Variants in RARB observed in about 807,000 individuals in gnomAD.
RARB encodes the protein retinoic acid receptor beta.
RARB carries 17 observed loss-of-function variants against 51.9 expected under a neutral mutation model. The observed-to-expected ratio is 0.33, with a 90% CI of 0.22 to 0.49. The LOEUF (loss-of-function observed/expected upper bound fraction) is 0.49, where lower values mean the gene tolerates loss of function less well. RARB is among the 20% of genes least tolerant of loss of function. The pLI, the probability that RARB is intolerant of heterozygous loss-of-function variation, is 0.99. For missense variants in RARB, 369 were observed against 550.8 expected (o/e 0.67, Z 3.30); for synonymous variants, 215 against 195.4 (o/e 1.10, Z -0.84).
chr3:25,281,480 T>A (rs539849414), intron 5 of RARB, among the ~76,000 whole-genome samples: 103 of 152,360 alleles, frequency 6.8e-4, no homozygotes, highest in Admixed American at 1.7e-3. Flanking sequence ...TCTCCTATTC[T>A]CTTACGGGTG....
At chr3:25,389,487 T>C (rs1706887495) in intron 5 of RARB, among the ~76,000 whole-genome samples, 1 of 152,158 alleles carries the variant, frequency 6.6e-6, no homozygotes, top group Admixed American at 6.6e-5. Context: ...GTGCCAGCAA[T>C]AGGACCAACT....
chr3:24,877,903 T>C (rs1703077900), intron 2 of RARB, among the ~76,000 whole-genome samples: 1 of 152,222 alleles, frequency 6.6e-6, no homozygotes, highest in South Asian at 2.1e-4. Context: ...CCTGTTTCTT[T>C]TCAAAATATA....
At chr3:25,043,390 G>A (rs994017070) in intron 2 of RARB, among the ~76,000 whole-genome samples, 42 of 152,256 alleles carry the variant, frequency 2.8e-4, no homozygotes, top group African/African-American at 9.9e-4. Flanking sequence ...TAAATACACC[G>A]GCAACAGGCC....
chr3:25,280,163 G>A (rs1394415372), intron 5 of RARB, among the ~76,000 whole-genome samples: 1 of 152,194 alleles, frequency 6.6e-6, no homozygotes, highest in African/African-American at 2.4e-5. Context: ...AGAGTAGGCA[G>A]TCATGGAGAA....
chr3:24,994,106 G>C (rs1189405275), intron 2 of RARB, among the ~76,000 whole-genome samples: 4 of 152,084 alleles, frequency 2.6e-5, no homozygotes, highest in Non-Finnish European at 5.9e-5. Context: ...GGCTGTACTA[G>C]TTTACATTCC....
intron 2 of RARB, among the ~76,000 whole-genome samples, chr3:24,968,176 A>G (rs1357082660): frequency 2.0e-5 from 3 of 152,176 alleles, no homozygotes; most frequent in African/African-American, 4.8e-5. Flanking sequence ...AAAGTAGGCA[A>G]TTAAGCATGT....
chr3:24,840,987 G>A (rs540711519), intron 1 of RARB, among the ~76,000 whole-genome samples: 8 of 152,296 alleles, frequency 5.3e-5, no homozygotes, highest in Admixed American at 4.6e-4. Context: ...CATGCAATGA[G>A]GGGTTTTGCA....
intron 2 of RARB, among the ~76,000 whole-genome samples, chr3:24,927,781 A>AT (rs1248015113): frequency 2.6e-5 from 4 of 152,076 alleles, no homozygotes; most frequent in Admixed American, 2.0e-4. Flanking sequence ...ACTGAAGCCG[A>AT]TTTTGGCATG....
intron 2 of RARB, among the ~76,000 whole-genome samples, chr3:24,900,018 C>T (rs1198818596): frequency 6.6e-6 from 1 of 151,932 alleles, no homozygotes; most frequent in African/African-American, 2.4e-5. Context: ...TGGACAGCAA[C>T]CATAATAAAT....
intron 5 of RARB, among the ~76,000 whole-genome samples, chr3:25,372,977 A>G (rs1216754200): frequency 6.6e-6 from 1 of 152,182 alleles, no homozygotes; most frequent in Non-Finnish European, 1.5e-5. Flanking sequence ...AAGGTTTGTG[A>G]TGTGAGCAAT....
intron 5 of RARB, among the ~76,000 whole-genome samples, chr3:25,193,649 T>C (rs969354220): frequency 6.6e-6 from 1 of 152,076 alleles, no homozygotes; most frequent in Non-Finnish European, 1.5e-5. Flanking sequence ...CACTGGAATA[T>C]ATTCTTTGCT....
intron 5 of RARB, among the ~76,000 whole-genome samples, chr3:25,379,368 C>T (rs1408338662): frequency 1.3e-5 from 2 of 152,188 alleles, no homozygotes; most frequent in East Asian, 3.9e-4. Context: ...ACTAGACTCA[C>T]ACTTAACTGA....
intron 5 of RARB, among the ~76,000 whole-genome samples, chr3:25,265,855 G>T (rs754398213): frequency 1.3e-5 from 2 of 152,124 alleles, no homozygotes; most frequent in Non-Finnish European, 2.9e-5. Flanking sequence ...AGCAGGGCTG[G>T]GTTCCCTTTG....
At chr3:25,269,721 T>G (rs979870163) in intron 5 of RARB, among the ~76,000 whole-genome samples, 1 of 152,198 alleles carries the variant, frequency 6.6e-6, no homozygotes, top group Non-Finnish European at 1.5e-5. Context: ...GCTTTATGAC[T>G]TTGCTGTTAT....
At chr3:25,015,407 T>C (rs1056233657) in intron 2 of RARB, among the ~76,000 whole-genome samples, 11 of 152,198 alleles carry the variant, frequency 7.2e-5, no homozygotes, top group African/African-American at 2.2e-4. Flanking sequence ...ATATTATCTT[T>C]ATAATTTGTT....
At chr3:25,345,488 A>G (rs1705362135) in intron 5 of RARB, among the ~76,000 whole-genome samples, 1 of 151,992 alleles carries the variant, frequency 6.6e-6, no homozygotes, top group South Asian at 2.1e-4. Context: ...AATATGGTGA[A>G]ACTCTGTCTC....
chr3:25,409,616 G>A (rs1243965346), intron 5 of RARB, among the ~76,000 whole-genome samples: 1 of 152,132 alleles, frequency 6.6e-6, no homozygotes, highest in African/African-American at 2.4e-5. Flanking sequence ...TGAATTTTCT[G>A]AAAATTTAAA....
intron 4 of RARB, among the ~76,000 whole-genome samples, chr3:25,165,147 C>T (rs939952384): frequency 8.6e-5 from 13 of 152,044 alleles, no homozygotes; most frequent in South Asian, 4.2e-4. Flanking sequence ...TTAAAGACAC[C>T]GGCCTCACAA....
chr3:25,543,742 C>T (rs949530774), intron 3 of RARB, among the ~76,000 whole-genome samples: 2 of 152,192 alleles, frequency 1.3e-5, no homozygotes, highest in Middle Eastern at 3.4e-3. Flanking sequence ...GCAACTTTGA[C>T]GAGAAGAGCA....
Sources: allele counts gnomAD v4.1 joint callset (sites outside exome capture counted in the v4.1 genomes callset), GRCh38; gene constraint gnomAD v4.1.1; transcripts MANE v1.5; gene names NCBI Gene and HGNC (gene_info 2026-07-23, HGNC 2026-07-21).